Variants in TTC29 observed in about 807,000 individuals in gnomAD.
TTC29 encodes tetratricopeptide repeat domain 29.
TTC29 carries 49 observed loss-of-function variants against 58.1 expected under a neutral mutation model. That is an observed-to-expected ratio of 0.84 (90% CI 0.67 to 1.07). TTC29 has a LOEUF of 1.07. Among genes scored for constraint, TTC29 ranks in the 50% least tolerant of loss-of-function variants. The pLI is 0.00. For missense variants in TTC29, 582 were observed against 555.6 expected (o/e 1.05, Z -0.48); for synonymous variants, 209 against 196.8 (o/e 1.06, Z -0.52).
At chr4:146,903,424 A>G (rs115439399) in intron 6 of TTC29, 120 bp downstream of exon 6, 5 of 896,716 alleles carry the variant, frequency 5.6e-6, no homozygotes, top group African/African-American at 5.2e-5. Context: ...TGATCTCAAT[A>G]ATATACATGA....
chr4:146,806,998 C>G (rs968639165), intron 10 of TTC29, among the ~76,000 whole-genome samples: 1 of 152,148 alleles, frequency 6.6e-6, no homozygotes, highest in Non-Finnish European at 1.5e-5. Flanking sequence ...GTAAAACACT[C>G]CCTAGAAAAT....
intron 11 of TTC29, among the ~76,000 whole-genome samples, chr4:146,738,471 G>C (rs1744883871): frequency 1.3e-5 from 2 of 152,080 alleles, no homozygotes; most frequent in Admixed American, 6.6e-5. Flanking sequence ...CATCCATATA[G>C]TATGATGGAC....
At chr4:146,786,309 A>ACTT (rs1251883521) in intron 11 of TTC29, among the ~76,000 whole-genome samples, 1 of 152,230 alleles carries the variant, frequency 6.6e-6, no homozygotes, top group Non-Finnish European at 1.5e-5. Context: ...GCCAGGCAAC[A>ACTT]CTTTGGGTAA....
intron 4 of TTC29, among the ~76,000 whole-genome samples, chr4:146,929,971 G>C (rs1735194956): frequency 6.6e-6 from 1 of 150,660 alleles, no homozygotes; most frequent in Admixed American, 6.6e-5. Flanking sequence ...TTAAAGCACA[G>C]AGCTTGAAGA....
chr4:146,877,879 T>A lies in TTC29; in HGVS notation c.587-2951A>T, dbSNP rs116351035. Among the ~76,000 whole-genome samples, 1,328 of 152,088 alleles carry A rather than the reference T, an allele frequency of 8.7e-3. 18 individuals carry two copies. Among genetic ancestry groups the A allele is most frequent in the African/African-American group, 0.031 (1,277 of 41,496 alleles). On this transcript the variant is annotated intron_variant, in intron 6 of 12. Transcript: ENST00000325106. Reference sequence around the variant, plus strand: ...GAGGTATAATGATGTAAATAGCAAATGAGAACTGATATCCATCTCCAAAAT... The same window carrying A: ...GAGGTATAATGATGTAAATAGCAAAAGAGAACTGATATCCATCTCCAAAAT...
At position 146,753,889 on chromosome 4, in the gene TTC29, C is replaced by T. The variant is rs568178410; in HGVS notation, c.1331-46338G>A. On this transcript the variant is annotated intron_variant, in intron 11 of 12. Transcript: ENST00000325106. ...TGGACACAGGAAGGGGAACATCACA[C>T]GCCAGGGACTGTTGTGGGGTGGGGG... Among the ~76,000 whole-genome samples, 95 of 151,114 alleles carry T rather than the reference C, an allele frequency of 6.3e-4. 1 individual carries two copies. Among genetic ancestry groups the T allele is most frequent in the African/African-American group, 1.8e-3 (75 of 41,138 alleles).
At chr4:146,870,469 G>A (rs4274870) in intron 7 of TTC29, among the ~76,000 whole-genome samples, 2 of 151,248 alleles carry the variant, frequency 1.3e-5, no homozygotes, top group Admixed American at 1.3e-4. Flanking sequence ...ATCAAACAGA[G>A]GGAAGGAAAT....
intron 6 of TTC29, among the ~76,000 whole-genome samples, chr4:146,883,922 A>G (rs1236044181): frequency 3.3e-5 from 5 of 152,124 alleles, no homozygotes; most frequent in Non-Finnish European, 7.4e-5. Flanking sequence ...GCTCTAATAA[A>G]GTTTCATTTG....
chr4:146,801,978 CAAAAAAAAA>C (rs57486017), intron 11 of TTC29, among the ~76,000 whole-genome samples: 177 of 38,770 alleles, frequency 4.6e-3, no homozygotes, highest in Middle Eastern at 0.026. Context: ...GACTCTGTCT[CAAAAAAAAA>C]AAAAAAAAAA....
chr4:146,719,028 G>A (rs1743157990), intron 11 of TTC29, among the ~76,000 whole-genome samples: 1 of 152,030 alleles, frequency 6.6e-6, no homozygotes, highest in African/African-American at 2.4e-5. Context: ...ACATGTGTGG[G>A]TTGATTTATG....
At chr4:146,786,901 C>T (rs1196270971) in intron 11 of TTC29, among the ~76,000 whole-genome samples, 1 of 151,790 alleles carries the variant, frequency 6.6e-6, no homozygotes, top group Non-Finnish European at 1.5e-5. Context: ...TTGCTTGAGG[C>T]TAGGTGTTTG....
chr4:146,943,613 G>A (rs925531708), intron 2 of TTC29, among the ~76,000 whole-genome samples: 23 of 152,130 alleles, frequency 1.5e-4, no homozygotes, highest in Non-Finnish European at 2.9e-4. Flanking sequence ...GCCACATAAG[G>A]TATTTTGTTT....
Position 146,909,083 on chromosome 4 carries a change from C to G in TTC29, c.343G>C (p.Asp115His). 6.2e-7 allele frequency: 1 copy of G among 1,613,926 alleles called. No individual in the cohort carries two copies. Among genetic ancestry groups the G allele is most frequent in the Non-Finnish European group, 8.5e-7 (1 of 1,179,852 alleles). ...WLQKPLEEQP[D>H]KLDYLYHYLT... ...TAATGGTACAGGTAATCCAGTTTAT[C>G]AGGCTGCTCCTCCAGGGGCTTCTGC... Residue 115 changes from aspartate to histidine, a missense_variant, in exon 5 of 13, where the codon GAT becomes CAT. Coordinates refer to ENST00000325106, the MANE Select transcript of TTC29 (RefSeq NM_031956.4).
Position 146,928,865 on chromosome 4 carries a change from T to C in TTC29, c.176+8729A>G, listed in dbSNP as rs188585138. On this transcript the variant is annotated intron_variant, in intron 4 of 12. Transcript: ENST00000325106. Reference sequence around the variant, plus strand: ...TTTAAAATAAAGTGATATCATATCATTTCCCTGCATAAAATGAGCCAAAGG... The same window carrying C: ...TTTAAAATAAAGTGATATCATATCACTTCCCTGCATAAAATGAGCCAAAGG... Among the ~76,000 whole-genome samples the C allele has an allele frequency of 2.2e-4, 34 of 152,276 alleles. No homozygotes were observed. In the East Asian group the frequency reaches 4.4e-3, roughly 20 times the overall value.
chr4:146,900,882 A>T (rs1028250285), intron 6 of TTC29, among the ~76,000 whole-genome samples: 9 of 152,350 alleles, frequency 5.9e-5, no homozygotes, highest in African/African-American at 1.9e-4. Context: ...ACAAAATTTT[A>T]AAAAAGTAGA....
At chr4:146,906,859 C>T (rs1459755503) in intron 5 of TTC29, among the ~76,000 whole-genome samples, 6 of 152,300 alleles carry the variant, frequency 3.9e-5, no homozygotes, top group East Asian at 3.9e-4. Flanking sequence ...CGGTGGCTTA[C>T]GCCTGTAATC....
At chr4:146,914,924 T>C (rs1019145802) in intron 4 of TTC29, among the ~76,000 whole-genome samples, 7 of 152,140 alleles carry the variant, frequency 4.6e-5, no homozygotes, top group African/African-American at 1.7e-4. Flanking sequence ...AATGGAGAAT[T>C]TACTGCTAAA....
intron 11 of TTC29, among the ~76,000 whole-genome samples, chr4:146,720,524 TA>T (rs1464557518): frequency 3.3e-5 from 5 of 152,034 alleles, no homozygotes; most frequent in Admixed American, 6.6e-5. Flanking sequence ...GGTTAAGTCA[TA>T]AAAAATAGAT....
intron 11 of TTC29, among the ~76,000 whole-genome samples, chr4:146,741,573 G>A (rs1489118224): frequency 6.7e-6 from 1 of 148,624 alleles, no homozygotes; most frequent in Non-Finnish European, 1.5e-5. Context: ...CTCTTCCCTA[G>A]ATTATTGCAA....
Sources: gnomAD v4.1 joint callset for allele counts (sites outside exome capture counted in the v4.1 genomes callset) on GRCh38, gnomAD v4.1.1 for gene constraint, MANE v1.5 for transcripts, NCBI Gene and HGNC (gene_info 2026-07-23, HGNC 2026-07-21) for gene names.